Variants in KRT12 observed in about 807,000 individuals in gnomAD.
KRT12 encodes keratin 12.
In KRT12, 43 loss-of-function variants were observed where a neutral mutation model predicts 50.2. The observed-to-expected ratio is 0.86, with a 90% confidence interval of 0.67 to 1.11. KRT12 has a LOEUF of 1.11. Among genes scored for constraint, KRT12 ranks in the 50% least tolerant of loss-of-function variants. The probability of loss-of-function intolerance (pLI) is 0.00; values close to 1 mark genes in which losing one functional copy is unlikely to be tolerated. For missense variants in KRT12, 588 were observed against 625.6 expected (o/e 0.94, Z 0.64); for synonymous variants, 257 against 253.6 (o/e 1.01, Z -0.13).
At position 40,863,764 on chromosome 17, in the gene KRT12, G is replaced by T; in HGVS notation, c.908C>A (p.Ala303Glu). Residue 303 changes from alanine (A) to glutamate (E), a missense_variant, in exon 4 of 8, where the codon GCG (alanine) becomes GAG (glutamate). By Grantham distance (107) the Ala-to-Glu change is moderately radical (BLOSUM62 -1). Coordinates refer to ENST00000251643, the MANE Select transcript of KRT12 (RefSeq NM_000223.4). The surrounding 1 kb of genome is among the most constrained non-coding windows in gnomAD (Gnocchi z 4.2). ...DLTRLLNDMR[A>E]QYETIAEQNR... ...CTGCTCAGCGATGGTTTCATACTGCGCCCGCATATCATTGAGGAGCCTGGT... is the reference window on the plus strand; with the variant it reads ...CTGCTCAGCGATGGTTTCATACTGCTCCCGCATATCATTGAGGAGCCTGGT... 6.2e-7 allele frequency: 1 copy of T among 1,613,102 alleles called. No homozygotes were observed. Among genetic ancestry groups the T allele is most frequent in the Non-Finnish European group, 8.5e-7 (1 of 1,180,012 alleles).
In KRT12 at chr17:40,865,815, G is replaced by A. The variant is rs544700206; in HGVS notation, c.650+340C>T. 7.2e-5 allele frequency among the ~76,000 whole-genome samples: 11 copies of A among 152,162 alleles called. No homozygotes were observed. In the South Asian group the frequency reaches 1.2e-3, roughly 17 times the overall value. ...TGCACTCCAGCCTGGGTGACAGAGC[G>A]AGACTCCATCTCAAAAACAAAAAAC... On this transcript the variant is annotated intron_variant, in intron 2 of 7. Coordinates refer to ENST00000251643, the MANE Select transcript of KRT12 (RefSeq NM_000223.4).
Position 40,867,073 on chromosome 17 carries a change from A to T in KRT12, c.114T>A (p.Val38=). The part of the protein sequence containing the change: ...GRPRGMSASS[V]GSGYGGSAFG... ...AGGCACTTCCCCCATAACCACTTCC[A>T]ACACTGGAAGCAGACATGCCCCTGG... The change falls in exon 1 of 8, where the codon GTT becomes GTA. Residue 38 remains valine (V), a synonymous_variant. Transcript: ENST00000251643. 6.2e-7 allele frequency: 1 copy of T among 1,613,406 alleles called. No individual in the cohort carries two copies. Among genetic ancestry groups the T allele is most frequent in the Non-Finnish European group, 8.5e-7 (1 of 1,179,548 alleles).
intron 2 of KRT12, among the ~76,000 whole-genome samples, chr17:40,865,769 A>G (rs562489555): frequency 1.3e-5 from 2 of 152,286 alleles, no homozygotes; most frequent in East Asian, 1.9e-4. Context: ...CAGGGGTTGC[A>G]GTGAGCCGAG....
intron 7 of KRT12, 96 bp downstream of exon 7, chr17:40,862,469 A>G (rs759388633): frequency 4.8e-6 from 4 of 829,550 alleles, no homozygotes; most frequent in Non-Finnish European, 8.3e-6. Context: ...TTAAATTAAA[A>G]TTAATAATAA....
At chr17:40,862,446 A>G (rs557538411) in intron 7 of KRT12, 119 bp downstream of exon 7, 39 of 763,174 alleles carry the variant, frequency 5.1e-5, no homozygotes, top group South Asian at 4.6e-4. Flanking sequence ...TTGGCTCAGA[A>G]TATAAATATG....
rs759086688 is a variant in KRT12, at chr17:40,863,226, C to T, written c.1213G>A (p.Ala405Thr). Residue 405 changes from alanine to threonine, a missense_variant, in exon 6 of 8, where the codon GCA becomes ACA. By Grantham distance (58) the Ala-to-Thr change is moderately conservative (BLOSUM62 0). Transcript: ENST00000251643. The surrounding 1 kb of genome is among the most constrained non-coding windows in gnomAD (Gnocchi z 4.2). Reference protein sequence around the residue: ...EAQLLQVRADAERQNVDHQRL... With the variant: ...EAQLLQVRADTERQNVDHQRL... ...TGGTGGTCCACGTTCTGGCGCTCTG[C>T]GTCCGCGCGCACCTGGAGCAGCTGT... 1.3e-5 allele frequency: 21 copies of T among 1,613,986 alleles called. No individual in the cohort carries two copies. The highest frequency in any genetic ancestry group is 1.8e-5 in the Non-Finnish European group (21 of 1,180,030).
rs1197171423 is a variant in KRT12 at position 40,863,787 on chromosome 17, G to A, written c.885C>T (p.Thr295=). 6.2e-7 allele frequency: 1 copy of A among 1,612,782 alleles called. No homozygotes were observed. Among genetic ancestry groups the A allele is most frequent in the Admixed American group, 1.7e-5 (1 of 60,020 alleles). ...EMDAAPGVDL[T]RLLNDMRAQY... ...GCGCCCGCATATCATTGAGGAGCCTGGTGAGGTCCACTCCGGGGGCAGCGT... is the reference window on the plus strand; with the variant it reads ...GCGCCCGCATATCATTGAGGAGCCTAGTGAGGTCCACTCCGGGGGCAGCGT... Residue 295 remains threonine, a synonymous_variant, in exon 4 of 8, where the codon ACC becomes ACT. Transcript: ENST00000251643. This position sits in a 1 kb window ranked among gnomAD's most constrained non-coding sequence, Gnocchi z 4.2.
chr17:40,861,485 C>T lies in KRT12; in HGVS notation c.*176G>A, dbSNP rs1167264946. ...CCAACATGACCAAAATGACTTGTGACTGAATATTGTTTCAGAAGGGCAAAA... is the reference window on the plus strand; with the variant it reads ...CCAACATGACCAAAATGACTTGTGATTGAATATTGTTTCAGAAGGGCAAAA... On this transcript the variant is annotated 3_prime_UTR_variant, in exon 8 of 8. Transcript: ENST00000251643. The T allele has an allele frequency of 9.7e-6, 6 of 621,438 alleles. No individual in the cohort carries two copies. The highest frequency in any genetic ancestry group is 9.2e-5 in the African/African-American group (5 of 54,544). The allele number at this position is 621,438 out of a possible 1,614,324, so 38.5% of individuals were successfully genotyped here.
intron 1 of KRT12, 81 bp downstream of exon 1, chr17:40,866,539 G>T: frequency 1.6e-6 from 2 of 1,222,844 alleles, no homozygotes; most frequent in Non-Finnish European, 2.4e-6. Context: ...TATCAAAGTT[G>T]TAGGTGATTA....
chr17:40,865,705 G>A (rs1261095986), intron 2 of KRT12, among the ~76,000 whole-genome samples: 1 of 152,076 alleles, frequency 6.6e-6, no homozygotes, highest in African/African-American at 2.4e-5. Context: ...GCAGCCGCCT[G>A]TAATCCCAGC....
At position 40,863,217 on chromosome 17, in the gene KRT12, G is replaced by T; in HGVS notation, c.1222C>A (p.Gln408Lys). 6.2e-7 allele frequency: 1 copy of T among 1,614,022 alleles called. No individual in the cohort carries two copies. The highest frequency in any genetic ancestry group is 8.5e-7 in the Non-Finnish European group (1 of 1,180,042). Residue 408 changes from glutamine (Q) to lysine (K), a missense_variant, in exon 6 of 8, where the codon CAG (glutamine) becomes AAG (lysine). Transcript: ENST00000251643. This position sits in a 1 kb window ranked among gnomAD's most constrained non-coding sequence, Gnocchi z 4.2. The stretch of plus-strand genomic sequence containing the variant: ...AGCAGCCGCTGGTGGTCCACGTTCT[G>T]GCGCTCTGCGTCCGCGCGCACCTGG... ...LLQVRADAER[Q>K]NVDHQRLLNV...
Position 40,863,515 on chromosome 17 carries a change from C to A in KRT12, c.1065G>T (p.Leu355=), listed in dbSNP as rs769410033. The A allele has an allele frequency of 1.4e-5, 22 of 1,614,242 alleles. No individual in the cohort carries two copies. In the South Asian group the frequency reaches 2.1e-4, roughly 15 times the overall value. Residue 355 remains leucine, a synonymous_variant, in exon 5 of 8, where the codon CTG becomes CTT. Coordinates refer to ENST00000251643, the MANE Select transcript of KRT12 (RefSeq NM_000223.4). This position sits in a 1 kb window ranked among gnomAD's most constrained non-coding sequence, Gnocchi z 4.2. ...VTDLRRAFQN[L]EIELQSQLAM... ...CGAGCTGGGACTGTAGCTCGATCTC[C>A]AGGTTCTGAAAGGCGCGACGCAGGT...
rs1906873498 is a variant in KRT12 at position 40,863,279 on chromosome 17, A to G, written c.1160T>C (p.Val387Ala). The change falls in exon 6 of 8, where the codon GTG (valine) becomes GCG (alanine). Residue 387 changes from valine (V) to alanine (A), a missense_variant. Coordinates refer to ENST00000251643, the MANE Select transcript of KRT12 (RefSeq NM_000223.4). This position sits in a 1 kb window ranked among gnomAD's most constrained non-coding sequence, Gnocchi z 4.2. ...EGDYCAQLSQVQQLISNLEAQ... is the reference protein window; with the variant it reads ...EGDYCAQLSQAQQLISNLEAQ... ...CTCCAGGTTGCTGATGAGCTGCTGCACCTGGGACAGCTGCGCGCAGTAATC... is the reference window on the plus strand; with the variant it reads ...CTCCAGGTTGCTGATGAGCTGCTGCGCCTGGGACAGCTGCGCGCAGTAATC... The G allele has an allele frequency of 6.2e-7, 1 of 1,613,892 alleles. No individual in the cohort carries two copies. Among genetic ancestry groups the G allele is most frequent in the Non-Finnish European group, 8.5e-7 (1 of 1,180,010 alleles).
chr17:40,866,258 A>G, intron 1 of KRT12, 21 bp from the exon 2 acceptor site: 1 of 1,596,708 alleles, frequency 6.3e-7, no homozygotes, highest in Non-Finnish European at 8.6e-7. Context: ...AGAGGGACAC[A>G]CACAAGATTG....
At position 40,863,634 on chromosome 17, in the gene KRT12, G is replaced by A. The variant is rs757533907; in HGVS notation, c.970-24C>T. 1 of 1,614,214 alleles carries A rather than the reference G, an allele frequency of 6.2e-7. No individual in the cohort carries two copies. Among genetic ancestry groups the A allele is most frequent in the Admixed American group, 1.7e-5 (1 of 60,036 alleles). On this transcript the variant is annotated intron_variant, in intron 4 of 7. Coordinates refer to ENST00000251643, the MANE Select transcript of KRT12 (RefSeq NM_000223.4). The surrounding 1 kb of genome is among the most constrained non-coding windows in gnomAD (Gnocchi z 4.2). ...CTCTGCAACAGCAAAGACAGCCAGG[G>A]GGCTCGAGCGCTGAGCTCGTTCGCA...
Position 40,866,140 on chromosome 17 carries a change from G to A in KRT12, c.650+15C>T. The A allele has an allele frequency of 6.2e-7, 1 of 1,603,390 alleles. No homozygotes were observed. Among genetic ancestry groups the A allele is most frequent in the Non-Finnish European group, 8.5e-7 (1 of 1,170,232 alleles). On this transcript the variant is annotated intron_variant, in intron 2 of 7. Coordinates refer to ENST00000251643, the MANE Select transcript of KRT12 (RefSeq NM_000223.4). ...TGGTGGGACACGCCCATGATCTTCA[G>A]TTTATTCGACTCACTTCATCCTGAA...
rs896427485 is a variant in KRT12, at chr17:40,863,990, A to T, written c.808-126T>A. ...CACACACACACACACACACACACACACTTAAAAATTCTATCTTATGACTGT... is the reference window on the plus strand; with the variant it reads ...CACACACACACACACACACACACACTCTTAAAAATTCTATCTTATGACTGT... On this transcript the variant is annotated intron_variant, in intron 3 of 7. Transcript: ENST00000251643. This position sits in a 1 kb window ranked among gnomAD's most constrained non-coding sequence, Gnocchi z 4.2. The T allele has an allele frequency of 1.5e-6, 1 of 647,392 alleles. No homozygotes were observed. The highest frequency in any genetic ancestry group is 2.6e-6 in the Non-Finnish European group (1 of 386,192). 40.1% of individuals were successfully genotyped at this position (647,392 alleles called of 1,614,324 possible).
intron 3 of KRT12, among the ~76,000 whole-genome samples, chr17:40,864,529 A>G (rs550397828): frequency 6.6e-6 from 1 of 152,256 alleles, no homozygotes; most frequent in Admixed American, 6.5e-5. Context: ...TAGCATTCCT[A>G]TTGTCATTGC....
In KRT12 at chr17:40,863,237, A is replaced by T; in HGVS notation, c.1202T>A (p.Val401Glu). 6.2e-7 allele frequency: 1 copy of T among 1,613,946 alleles called. No individual in the cohort carries two copies. The highest frequency in any genetic ancestry group is 8.5e-7 in the Non-Finnish European group (1 of 1,180,002). Residue 401 changes from valine (V) to glutamate (E), a missense_variant, in exon 6 of 8, where the codon GTG becomes GAG. Coordinates refer to ENST00000251643, the MANE Select transcript of KRT12 (RefSeq NM_000223.4). This position sits in a 1 kb window ranked among gnomAD's most constrained non-coding sequence, Gnocchi z 4.2. ...ISNLEAQLLQ[V>E]RADAERQNVD... ...GTTCTGGCGCTCTGCGTCCGCGCGC[A>T]CCTGGAGCAGCTGTGCCTCCAGGTT... is the stretch of plus-strand genomic sequence containing the variant.
Sources: gnomAD v4.1 joint callset for allele counts (sites outside exome capture counted in the v4.1 genomes callset) on GRCh38, gnomAD v4.1.1 for gene constraint, Gnocchi (gnomAD v3.1) non-coding constraint, MANE v1.5 for transcripts, NCBI Gene and HGNC (gene_info 2026-07-23, HGNC 2026-07-21) for gene names.